Variants in ST6GAL2 observed in about 807,000 individuals in gnomAD.
ST6GAL2 encodes the protein ST6 beta-galactoside alpha-2,6-sialyltransferase 2, also known as beta-galactoside alpha-2,6-sialyltransferase 2.
ST6GAL2 carries 24 observed loss-of-function variants against 37.5 expected under a neutral mutation model. The observed-to-expected ratio is 0.64, with a 90% CI of 0.46 to 0.90. ST6GAL2 has a LOEUF of 0.90. Among genes scored for constraint, ST6GAL2 ranks in the 40% least tolerant of loss-of-function variants. ST6GAL2 has a pLI of 0.00. For synonymous variants in ST6GAL2, 306 were observed against 295.1 expected (o/e 1.04, Z -0.38); for missense variants, 715 against 712.7 (o/e 1.00, Z -0.04).
intron 1 of ST6GAL2, among the ~76,000 whole-genome samples, chr2:106,875,291 C>T (rs1167956971): frequency 6.6e-6 from 1 of 151,710 alleles, no homozygotes; most frequent in Non-Finnish European, 1.5e-5. Context: ...TGCCCCCAAC[C>T]TCAGCCTCCA....
intron 1 of ST6GAL2, among the ~76,000 whole-genome samples, chr2:106,878,719 T>C (rs1363480275): frequency 1.3e-5 from 2 of 152,226 alleles, no homozygotes; most frequent in Non-Finnish European, 2.9e-5. Flanking sequence ...GCCTAGGTTA[T>C]GCAAAGATAC....
At chr2:106,851,003 A>G (rs1677337500) in intron 1 of ST6GAL2, among the ~76,000 whole-genome samples, 1 of 152,178 alleles carries the variant, frequency 6.6e-6, no homozygotes, top group African/African-American at 2.4e-5. Context: ...CGATGGTTTA[A>G]GTGACTGGGG....
At chr2:106,849,734 C>T (rs2104543271) in intron 1 of ST6GAL2, among the ~76,000 whole-genome samples, 1 of 152,306 alleles carries the variant, frequency 6.6e-6, no homozygotes, top group Non-Finnish European at 1.5e-5. Context: ...ATCTCTATAA[C>T]AAGAATCTTG....
rs957977016 is a variant in ST6GAL2 at position 106,843,310 on chromosome 2, T to C, written c.668A>G (p.Lys223Arg). 6.2e-7 allele frequency: 1 copy of C among 1,613,676 alleles called. No individual in the cohort carries two copies. Among genetic ancestry groups the C allele is most frequent in the African/African-American group, 1.3e-5 (1 of 74,948 alleles). Residue 223 changes from lysine to arginine, a missense_variant, in exon 2 of 6, where the codon AAG becomes AGG. Coordinates refer to ENST00000409382, the MANE Select transcript of ST6GAL2 (RefSeq NM_001142351.2). ...GGCGGTCAGGTAATCCTTCATCGCC[T>C]TCTGCAGGCGCGGGTTCAGCATTTT... ...SSKMLNPRLQ[K>R]AMKDYLTANK... is the part of the protein sequence containing the mutation.
chr2:106,828,463 T>C (rs1056990604), intron 5 of ST6GAL2, among the ~76,000 whole-genome samples: 2 of 152,174 alleles, frequency 1.3e-5, no homozygotes, highest in Admixed American at 1.3e-4. Flanking sequence ...GTCAAAGGCA[T>C]GAGTTTAAAA....
intron 1 of ST6GAL2, among the ~76,000 whole-genome samples, chr2:106,880,704 T>C (rs1252609207): frequency 6.6e-6 from 1 of 152,212 alleles, no homozygotes; most frequent in Non-Finnish European, 1.5e-5. Flanking sequence ...AGATAAAATT[T>C]TCCCAGAGAT....
intron 2 of ST6GAL2, among the ~76,000 whole-genome samples, chr2:106,840,973 CG>C (rs1312403551): frequency 1.3e-5 from 2 of 152,148 alleles, no homozygotes; most frequent in African/African-American, 4.8e-5. Flanking sequence ...TATTTCACCC[CG>C]GGGACCTCTA....
intron 1 of ST6GAL2, among the ~76,000 whole-genome samples, chr2:106,844,299 A>G (rs1000856369): frequency 2.0e-5 from 3 of 149,772 alleles, no homozygotes; most frequent in South Asian, 2.2e-4. Context: ...GGATGGGTGT[A>G]TATTTGCAAA....
intron 1 of ST6GAL2, among the ~76,000 whole-genome samples, chr2:106,867,729 G>A (rs11681787): frequency 0.61 from 92,330 of 151,862 alleles, 29,579 homozygotes; most frequent in Non-Finnish European, 0.74. Flanking sequence ...GCCAAAATGA[G>A]CACTGGTTGT....
At chr2:106,827,408 C>T (rs1676249955) in intron 5 of ST6GAL2, among the ~76,000 whole-genome samples, 1 of 152,146 alleles carries the variant, frequency 6.6e-6, no homozygotes, top group African/African-American at 2.4e-5. Flanking sequence ...GAGCAGAACT[C>T]ATCCAAGCTG....
At chr2:106,825,782 T>C (rs890377566) in intron 5 of ST6GAL2, among the ~76,000 whole-genome samples, 12 of 152,324 alleles carry the variant, frequency 7.9e-5, no homozygotes, top group African/African-American at 2.6e-4. Context: ...AAATTTTGGG[T>C]GGGCAGGACC....
chr2:106,845,979 C>A (rs1417527015), intron 1 of ST6GAL2, among the ~76,000 whole-genome samples: 2 of 152,156 alleles, frequency 1.3e-5, no homozygotes, highest in African/African-American at 4.8e-5. Flanking sequence ...ATCGAGGAAG[C>A]CCAAGCTAGG....
chr2:106,886,452 C>G (rs1248765179), upstream of ST6GAL2: 1 of 152,126 alleles, frequency 6.6e-6, no homozygotes, highest in African/African-American at 2.4e-5. Context: ...CTGCTCCGCG[C>G]CGGCGGCAGC....
intron 3 of ST6GAL2, among the ~76,000 whole-genome samples, chr2:106,833,516 T>C (rs1676508015): frequency 6.6e-6 from 1 of 152,228 alleles, no homozygotes; most frequent in Admixed American, 6.5e-5. Flanking sequence ...CAGAAATTGT[T>C]GTGGTTTGTT....
chr2:106,853,171 G>C (rs1474774494), intron 1 of ST6GAL2, among the ~76,000 whole-genome samples: 1 of 152,196 alleles, frequency 6.6e-6, no homozygotes, highest in East Asian at 1.9e-4. Flanking sequence ...ACATTTAGCA[G>C]AACAAGTGAT....
intron 1 of ST6GAL2, among the ~76,000 whole-genome samples, chr2:106,875,177 T>C (rs536695141): frequency 1.7e-4 from 25 of 149,266 alleles, no homozygotes; most frequent in African/African-American, 5.9e-4. Context: ...TTTGTTTCTT[T>C]TTTTTTTTTT....
chr2:106,806,873 C>T lies in ST6GAL2; in HGVS notation c.1395G>A (p.Leu465=), dbSNP rs1573194818. The change falls in exon 6 of 6, where the codon CTG becomes CTA. Residue 465 remains leucine, a synonymous_variant. Coordinates refer to ENST00000409382, the MANE Select transcript of ST6GAL2 (RefSeq NM_001142351.2). ...CGTAGTACAGCTCGTGGTAGTGGCA[C>T]AGCTCCGTCTGCCGCACGGATGGGA... is the stretch of plus-strand genomic sequence containing the variant. ...EYIPSVRQTE[L]CHYHELYYDA... 1 of 1,614,172 alleles carries T rather than the reference C, an allele frequency of 6.2e-7. No homozygotes were observed. Among genetic ancestry groups the T allele is most frequent in the Non-Finnish European group, 8.5e-7 (1 of 1,180,034 alleles).
rs758618457 is a variant in ST6GAL2 at position 106,843,253 on chromosome 2, C to G, written c.725G>C (p.Arg242Pro). 2 of 1,594,182 alleles carry G rather than the reference C, an allele frequency of 1.3e-6. No homozygotes were observed. The highest frequency in any genetic ancestry group is 1.7e-6 in the Non-Finnish European group (2 of 1,170,136). Reference protein sequence around the residue: ...NKHGVRFRGKREAGLSRAQLL... With the variant: ...NKHGVRFRGKPEAGLSRAQLL... ...CTGTGCCCTGCTCAGCCCGGCCTCC[C>G]GCTTCCCGCGGAAGCGCACCCCGTG... Residue 242 changes from arginine (R) to proline (P), a missense_variant, in exon 2 of 6, where the codon CGG (arginine) becomes CCG (proline). This residue lies in a region of ST6GAL2 where 512 missense variants were observed against 488.8 expected (regional missense o/e 1.05). Transcript: ENST00000409382.
At chr2:106,862,549 T>TA (rs1677845957) in intron 1 of ST6GAL2, among the ~76,000 whole-genome samples, 1 of 152,202 alleles carries the variant, frequency 6.6e-6, no homozygotes, top group Non-Finnish European at 1.5e-5. Flanking sequence ...CCTAAAAATG[T>TA]TCTGGCTCTC....
Sources: gnomAD v4.1 joint callset for allele counts (sites outside exome capture counted in the v4.1 genomes callset) on GRCh38, gnomAD v4.1.1 for gene constraint, gnomAD v4.1.1 regional missense constraint, MANE v1.5 for transcripts, NCBI Gene and HGNC (gene_info 2026-07-23, HGNC 2026-07-21) for gene names.